The following EMSY variants were observed in gnomAD, a reference collection of about 807,000 sequenced individuals.
EMSY encodes the protein BRCA2-interacting transcriptional repressor EMSY.
EMSY carries 26 observed loss-of-function variants against 134.6 expected under a neutral mutation model. The observed-to-expected ratio is 0.19, with a 90% confidence interval of 0.14 to 0.27. The LOEUF is 0.27. Ranked by LOEUF, EMSY falls within the 10% of genes least tolerant of loss-of-function variation. The pLI is 1.00. For synonymous variants in EMSY, 579 were observed against 577.8 expected (o/e 1.00, Z -0.03); for missense variants, 1,305 against 1,611.4 (o/e 0.81, Z 3.26).
At chr11:76,536,052 G>A in exon 15 of EMSY, 1 of 1,555,598 alleles carries the variant, frequency 6.4e-7, no homozygotes, top group South Asian at 1.3e-5. Flanking sequence ...AACTCCAACA[G>A]ACAACAGGTA....
At chr11:76,479,748 A>G (rs1455303114) in intron 8 of EMSY, among the ~76,000 whole-genome samples, 2 of 152,246 alleles carry the variant, frequency 1.3e-5, no homozygotes, top group Non-Finnish European at 2.9e-5. Context: ...CTGAAGAAAC[A>G]AAAGGATAAG....
chr11:76,474,012 C>T (rs372693887), intron 8 of EMSY, among the ~76,000 whole-genome samples: 4 of 151,892 alleles, frequency 2.6e-5, no homozygotes, highest in East Asian at 3.9e-4. Flanking sequence ...CACCTGTAAT[C>T]CCAGCTACTC....
At chr11:76,514,981 C>T (rs1046886424) in intron 10 of EMSY, among the ~76,000 whole-genome samples, 1 of 150,902 alleles carries the variant, frequency 6.6e-6, no homozygotes, top group African/African-American at 2.4e-5. Flanking sequence ...CTTTTTTTAA[C>T]AAAAACTTAA....
At position 76,542,381 on chromosome 11, in the gene EMSY, T is replaced by A. The variant is rs188453541; in HGVS notation, c.2709+14T>A. 81 of 1,611,738 alleles carry A rather than the reference T, an allele frequency of 5.0e-5. 1 individual carries two copies. In the Admixed American group the frequency reaches 1.0e-3, roughly 21 times the overall value. The stretch of plus-strand genomic sequence containing the variant: ...ATTATGCAGCAGGTTGTATCTCTTC[T>A]TTTTCTTCCTATCTTCTGCAACTGC... On this transcript the variant is annotated intron_variant, in intron 18 of 20. Transcript: ENST00000334736.
intron 11 of EMSY, among the ~76,000 whole-genome samples, chr11:76,519,526 C>T (rs185369124): frequency 9.9e-5 from 15 of 152,222 alleles, no homozygotes; most frequent in African/African-American, 3.6e-4. Context: ...TTATGAGAAC[C>T]TGTGACAACA....
In EMSY at chr11:76,458,368, A is replaced by G. The variant is rs760418872; in HGVS notation, c.421+10A>G. The G allele has an allele frequency of 4.2e-5, 67 of 1,590,892 alleles. No homozygotes were observed. Among genetic ancestry groups the G allele is most frequent in the Non-Finnish European group, 5.5e-5 (64 of 1,168,738 alleles). ...ACAGGAAGCAAGGAAGGTGAGTAGA[A>G]AAATATGCCTGTGTTAGAGATTACT... On this transcript the variant is annotated intron_variant, in intron 5 of 20. Coordinates refer to ENST00000334736, the Ensembl canonical transcript of EMSY.
At chr11:76,472,508 T>G in intron 7 of EMSY, 56 bp from the exon 9 acceptor site, 1 of 1,476,492 alleles carries the variant, frequency 6.8e-7, no homozygotes, top group Non-Finnish European at 9.3e-7. Context: ...ACTGTGAGTC[T>G]AGATACATTA....
At chr11:76,516,424 A>G (rs2136173178) in intron 11 of EMSY, 112 bp downstream of exon 12, 2 of 798,416 alleles carry the variant, frequency 2.5e-6, no homozygotes, top group Non-Finnish European at 3.7e-6. Context: ...TTAGAAATCT[A>G]AAGCTTTGTT....
In EMSY at chr11:76,522,352, C is replaced by CTTTTTTTTTT. The variant is rs71040003; in HGVS notation, c.1685-782_1685-773dup. Among the ~76,000 whole-genome samples the CTTTTTTTTTT allele has an allele frequency of 4.0e-3, 178 of 44,256 alleles. 27 individuals carry two copies. Among genetic ancestry groups the CTTTTTTTTTT allele is most frequent in the Non-Finnish European group, 5.1e-3 (135 of 26,572 alleles). The allele number at this position is 44,256 out of a possible 152,430, so 29.0% of individuals were successfully genotyped here. A position where few individuals can be genotyped will look rare whatever the true frequency, so the allele number is the denominator to read the frequency against. ...CTTGTTTTGTATATCGTTTACTTTG[C>CTTTTTTTTTT]TTTTTTTTTTTTTTTTTTTTTTTTT... On this transcript the variant is annotated intron_variant, in intron 11 of 20. Coordinates refer to ENST00000334736, the Ensembl canonical transcript of EMSY.
At chr11:76,521,519 T>C (rs1172237088) in intron 11 of EMSY, among the ~76,000 whole-genome samples, 2 of 152,008 alleles carry the variant, frequency 1.3e-5, no homozygotes, top group African/African-American at 4.8e-5. Context: ...TTCCAACAAT[T>C]TGGGAGGCTG....
At chr11:76,508,004 C>T (rs1950144693) in intron 9 of EMSY, among the ~76,000 whole-genome samples, 1 of 151,890 alleles carries the variant, frequency 6.6e-6, no homozygotes, top group South Asian at 2.1e-4. Context: ...GCTGAGACTA[C>T]AGGCATGAGC....
At chr11:76,487,304 C>T (rs1365504441) in intron 8 of EMSY, among the ~76,000 whole-genome samples, 1 of 152,126 alleles carries the variant, frequency 6.6e-6, no homozygotes, top group Non-Finnish European at 1.5e-5. Flanking sequence ...CTTCTTATTA[C>T]CTAAAAACAA....
At chr11:76,474,344 A>G (rs1294090969) in intron 8 of EMSY, among the ~76,000 whole-genome samples, 3 of 152,198 alleles carry the variant, frequency 2.0e-5, no homozygotes, top group African/African-American at 7.2e-5. Context: ...GAGCTTGGAA[A>G]CAATATAGAA....
exon 19 of EMSY, chr11:76,544,489 C>G (rs374616501): frequency 1.2e-6 from 2 of 1,613,990 alleles, no homozygotes; most frequent in South Asian, 1.1e-5. Context: ...AGCAGACCAT[C>G]CACCTGCAGG....
chr11:76,496,541 G>T (rs1483294593), intron 9 of EMSY, 72 bp downstream of exon 10: 1 of 1,512,992 alleles, frequency 6.6e-7, no homozygotes, highest in East Asian at 2.3e-5. Flanking sequence ...TCCAGTCCAT[G>T]AACACGGTAT....
chr11:76,528,564 T>G, intron 14 of EMSY, 98 bp downstream of exon 15: 4 of 760,928 alleles, frequency 5.3e-6, no homozygotes, highest in African/African-American at 1.8e-5. Context: ...AACAAATTTG[T>G]ATGCTCTATC....
At chr11:76,525,957 C>T (rs1275040128) in intron 12 of EMSY, among the ~76,000 whole-genome samples, 1 of 152,022 alleles carries the variant, frequency 6.6e-6, no homozygotes, top group African/African-American at 2.4e-5. Flanking sequence ...CTTATAATTT[C>T]ATATATGTAG....
intron 8 of EMSY, among the ~76,000 whole-genome samples, chr11:76,490,524 A>G (rs191093617): frequency 2.0e-4 from 30 of 152,368 alleles, no homozygotes; most frequent in African/African-American, 6.7e-4. Flanking sequence ...TTGAAATAAT[A>G]TACTATTTCA....
chr11:76,525,203 T>C (rs1950802429), intron 12 of EMSY, among the ~76,000 whole-genome samples: 1 of 152,212 alleles, frequency 6.6e-6, no homozygotes, highest in African/African-American at 2.4e-5. Context: ...GTGTGGTCAC[T>C]TGCAAACTAG....
Sources: allele counts gnomAD v4.1 joint callset (sites outside exome capture counted in the v4.1 genomes callset), GRCh38; gene constraint gnomAD v4.1.1; transcripts MANE v1.5; gene names NCBI Gene and HGNC (gene_info 2026-07-23, HGNC 2026-07-21).